FIGNL2: variants seen among roughly 807,000 people sequenced by gnomAD.
FIGNL2 encodes fidgetin like 2.
For missense variants in FIGNL2, 1,060 were observed against 950.2 expected, an observed-to-expected ratio of 1.12 and a Z score of -1.52; for synonymous variants, 565 against 484.0, an observed-to-expected ratio of 1.17 and a Z score of -2.20.
intron 1 of FIGNL2, among the ~76,000 whole-genome samples, chr12:51,839,263 T>C (rs1235483057): frequency 6.6e-6 from 1 of 152,146 alleles, no homozygotes; most frequent in Non-Finnish European, 1.5e-5. Context: ...CACAGAGACC[T>C]CAGACTCAAC....
In FIGNL2 at chr12:51,848,602, A is replaced by G. The variant is rs1939802248; in HGVS notation, c.-74T>C. 7 of 933,196 alleles carry G rather than the reference A, an allele frequency of 7.5e-6. No homozygotes were observed. Among genetic ancestry groups the G allele is most frequent in the Non-Finnish European group, 8.9e-6 (7 of 783,266 alleles). 57.8% of individuals were successfully genotyped at this position (933,196 alleles called of 1,614,324 possible). A position where few individuals can be genotyped will look rare whatever the true frequency, so the allele number is the denominator to read the frequency against. On this transcript the variant is annotated 5_prime_UTR_variant, in exon 1 of 2. Coordinates refer to ENST00000618634, the MANE Select transcript of FIGNL2 (RefSeq NM_001384995.1). ...GCCTGGGGGCGCGTCCGGCCCGGGG[A>G]CCGGGGCGGCGGCGCGGGCCGGGGG...
intron 1 of FIGNL2, among the ~76,000 whole-genome samples, chr12:51,829,755 AGGAG>A (rs1354377965): frequency 6.8e-6 from 1 of 146,346 alleles, no homozygotes; most frequent in African/African-American, 2.5e-5. Context: ...TTCCTCAGAA[AGGAG>A]GGAGGGAGGG....
Position 51,820,515 on chromosome 12 carries a change from C to G in FIGNL2, c.1899G>C (p.Arg633Ser). ...LEAALAKVGP[R>S]ASAKELDSFV... ...ACGAGTCCAGTTCCTTGGCAGAGGCCCTAGGGCCCACCTTGGCCAGCGCCG... is the reference window on the plus strand; with the variant it reads ...ACGAGTCCAGTTCCTTGGCAGAGGCGCTAGGGCCCACCTTGGCCAGCGCCG... Residue 633 changes from arginine to serine, a missense_variant, in exon 2 of 2, where the codon AGG becomes AGC. Transcript: ENST00000618634. 6.3e-7 allele frequency: 1 copy of G among 1,575,840 alleles called. No homozygotes were observed.
Position 51,820,891 on chromosome 12 carries a change from C to A in FIGNL2, c.1523G>T (p.Gly508Val). Residue 508 changes from glycine (G) to valine (V), a missense_variant, in exon 2 of 2, where the codon GGC becomes GTC. Coordinates refer to ENST00000618634, the MANE Select transcript of FIGNL2 (RefSeq NM_001384995.1). ...GGCCAGGAGCGGCACCTGCAGCGCG[C>A]CCCCTGCCGCCGCGCCGTCGTCCCG... ...PARDDGAAAGGALQVPLLACL... is the reference protein window; with the variant it reads ...PARDDGAAAGVALQVPLLACL... 3.7e-6 allele frequency: 5 copies of A among 1,344,316 alleles called. No individual in the cohort carries two copies. The highest frequency in any genetic ancestry group is 4.7e-6 in the Non-Finnish European group (5 of 1,056,284). The allele number at this position is 1,344,316 out of a possible 1,614,324, so 83.3% of individuals were successfully genotyped here.
intron 1 of FIGNL2, among the ~76,000 whole-genome samples, chr12:51,832,982 C>G (rs147453994): frequency 3.2e-3 from 491 of 152,310 alleles, no homozygotes; most frequent in South Asian, 6.6e-3. Flanking sequence ...AAATTAGATT[C>G]TTCAATCACT....
chr12:51,830,192 G>A (rs543661724), intron 1 of FIGNL2, among the ~76,000 whole-genome samples: 114 of 151,700 alleles, frequency 7.5e-4, no homozygotes, highest in African/African-American at 2.7e-3. Flanking sequence ...GAGAGGTTGA[G>A]GCAGGAGAAT....
chr12:51,831,787 C>A (rs1276122127), intron 1 of FIGNL2: 1 of 154,364 alleles, frequency 6.5e-6, no homozygotes, highest in Non-Finnish European at 1.5e-5. Flanking sequence ...CTGGGTCACT[C>A]TCATCAGCTC....
At chr12:51,843,482 T>G (rs1314266127) in intron 1 of FIGNL2, among the ~76,000 whole-genome samples, 1 of 148,478 alleles carries the variant, frequency 6.7e-6, no homozygotes, top group African/African-American at 2.5e-5. Flanking sequence ...CAGGAGGTGG[T>G]GGTTGCAGTG....
chr12:51,848,463 G>C (rs1048850576), intron 1 of FIGNL2, 77 bp downstream of exon 1: 12 of 981,876 alleles, frequency 1.2e-5, no homozygotes, highest in Non-Finnish European at 1.5e-5. Flanking sequence ...GCCCCGGGCC[G>C]GCGGACAAAG....
At chr12:51,845,667 G>A (rs1469063091) in intron 1 of FIGNL2, 2 of 985,316 alleles carry the variant, frequency 2.0e-6, no homozygotes, top group Middle Eastern at 5.2e-4. Context: ...AGAAGGCACA[G>A]GGAAGGTGAG....
rs1343878484 is a variant in FIGNL2, at chr12:51,821,160, G to T, written c.1254C>A (p.Tyr418Ter). The T allele has an allele frequency of 6.8e-7, 1 of 1,476,028 alleles. No homozygotes were observed. Among genetic ancestry groups the T allele is most frequent in the Non-Finnish European group, 8.9e-7 (1 of 1,124,414 alleles). The allele number at this position is 1,476,028 out of a possible 1,614,324, so 91.4% of individuals were successfully genotyped here. A position where few individuals can be genotyped will look rare whatever the true frequency, so the allele number is the denominator to read the frequency against. The change falls in exon 2 of 2, where the codon TAC (tyrosine) becomes TAA (stop). Residue 418 changes from tyrosine to a stop codon, truncating the protein, a stop_gained. Transcript: ENST00000618634. LOFTEE classifies it low-confidence loss of function (END_TRUNC). ...LVWPLLRPPA[Y>*]PGSLRPPRTV... ...TCCGCGGCGGGCGCAGGCTGCCCGG[G>T]TAGGCGGGCGGCCTGAGCAGGGGCC...
chr12:51,821,027 C>T lies in FIGNL2; in HGVS notation c.1387G>A (p.Ala463Thr). ...CGCGCGCCCTCGGCGGCGCCGGGCG[C>T]AGCCAGGGTCGCGCCGCGCAGGCGC... ...LLRLRGATLA[A>T]PGAAEGARLL... The change falls in exon 2 of 2, where the codon GCG becomes ACG. Residue 463 changes from alanine (A) to threonine (T), a missense_variant. Physicochemically the swap from Ala to Thr is moderately conservative, Grantham distance 58. Transcript: ENST00000618634. 7.6e-6 allele frequency: 9 copies of T among 1,178,300 alleles called. No individual in the cohort carries two copies. Among genetic ancestry groups the T allele is most frequent in the Non-Finnish European group, 8.4e-6 (8 of 955,498 alleles). 73.0% of individuals were successfully genotyped at this position (1,178,300 alleles called of 1,614,324 possible). A position where few individuals can be genotyped will look rare whatever the true frequency, so the allele number is the denominator to read the frequency against.
intron 1 of FIGNL2, chr12:51,847,871 C>T (rs1162848100): frequency 3.1e-6 from 3 of 974,780 alleles, no homozygotes; most frequent in Non-Finnish European, 1.2e-6. Context: ...CGGGGGTCCC[C>T]CTTGTTGCCT....
intron 1 of FIGNL2, chr12:51,847,836 G>T (rs1939785205): frequency 1.0e-6 from 1 of 985,046 alleles, no homozygotes. Context: ...AGTTTGAGGG[G>T]CCCTCTCTGG....
chr12:51,822,152 A>C lies in FIGNL2; in HGVS notation c.262T>G (p.Phe88Val). ...PALGGYSDAS[F>V]LNGAKGDPEP... ...GGATCCCCTTTGGCGCCGTTGAGGA[A>C]GGAGGCGTCGCTGTACCCGCCCAGG... is the stretch of plus-strand genomic sequence containing the variant. Residue 88 changes from phenylalanine (F) to valine (V), a missense_variant, in exon 2 of 2, where the codon TTC becomes GTC. Physicochemically the swap from Phe to Val is conservative, Grantham distance 50. Transcript: ENST00000618634. The C allele has an allele frequency of 1.2e-6, 2 of 1,611,722 alleles. No individual in the cohort carries two copies. The highest frequency in any genetic ancestry group is 1.7e-6 in the Non-Finnish European group (2 of 1,179,102).
Position 51,821,252 on chromosome 12 carries a change from G to A in FIGNL2, c.1162C>T (p.Pro388Ser). 2 of 1,525,878 alleles carry A rather than the reference G, an allele frequency of 1.3e-6. No homozygotes were observed. The highest frequency in any genetic ancestry group is 1.8e-6 in the Non-Finnish European group (2 of 1,142,526). 94.5% of individuals were successfully genotyped at this position (1,525,878 alleles called of 1,614,324 possible). Residue 388 changes from proline to serine, a missense_variant, in exon 2 of 2, where the codon CCG becomes TCG. Coordinates refer to ENST00000618634, the MANE Select transcript of FIGNL2 (RefSeq NM_001384995.1). ...CCCGCCACATCCGCCCACTGCACCG[G>A]GGGCCCGCAGTCCACCATCTTGCTC... ...VTSKMVDCGPPVQWADVAGQG... is the reference protein window; with the variant it reads ...VTSKMVDCGPSVQWADVAGQG...
At chr12:51,831,801 A>G (rs770408155) in intron 1 of FIGNL2, 1 of 154,308 alleles carries the variant, frequency 6.5e-6, no homozygotes, top group Non-Finnish European at 1.5e-5. Flanking sequence ...TCAGCTCGCA[A>G]ATATGCTGTT....
chr12:51,829,662 C>T (rs926475189), intron 1 of FIGNL2, among the ~76,000 whole-genome samples: 2 of 152,134 alleles, frequency 1.3e-5, no homozygotes, highest in African/African-American at 4.8e-5. Flanking sequence ...AGCTATGACT[C>T]CCGGCTTGAG....
In FIGNL2 at chr12:51,820,310, T is replaced by C. The variant is rs1592182995; in HGVS notation, c.*142A>G. 4 of 1,096,280 alleles carry C rather than the reference T, an allele frequency of 3.6e-6. No individual in the cohort carries two copies. The highest frequency in any genetic ancestry group is 5.0e-6 in the Non-Finnish European group (4 of 798,832). 67.9% of individuals were successfully genotyped at this position (1,096,280 alleles called of 1,614,324 possible). A position where few individuals can be genotyped will look rare whatever the true frequency, so the allele number is the denominator to read the frequency against. ...TTTCCTTCCCACGAAAAAAAAAATA[T>C]CCACCGGCAGACCCCTCCTGTCCCC... is the stretch of plus-strand genomic sequence containing the variant. On this transcript the variant is annotated 3_prime_UTR_variant, in exon 2 of 2. Transcript: ENST00000618634.
Sources: allele counts gnomAD v4.1 joint callset (sites outside exome capture counted in the v4.1 genomes callset), GRCh38; gene constraint gnomAD v4.1.1; transcripts MANE v1.5; gene names NCBI Gene and HGNC (gene_info 2026-07-23, HGNC 2026-07-21).